The following NTRK3 variants were observed in gnomAD, a reference collection of about 807,000 sequenced individuals.
The protein encoded by NTRK3 is neurotrophic receptor tyrosine kinase 3.
Under a neutral mutation model 91.7 loss-of-function variants are expected in NTRK3, and 24 were observed. The ratio of observed to expected loss-of-function variants is 0.26; its 90% CI spans 0.19 to 0.37. NTRK3 has a LOEUF of 0.37. Among genes scored for constraint, NTRK3 ranks in the 10% least tolerant of loss-of-function variants. NTRK3 has a pLI of 1.00. For missense variants in NTRK3, 880 were observed against 1,068.9 expected (o/e 0.82, Z 2.46); for synonymous variants, 483 against 404.0 (o/e 1.20, Z -2.34).
chr15:88,180,647 G>A (rs2046372354), intron 5 of NTRK3, among the ~76,000 whole-genome samples: 1 of 134,424 alleles, frequency 7.4e-6, no homozygotes, highest in African/African-American at 2.8e-5. Context: ...ATTTTATACA[G>A]AGGAAAGAAG....
exon 19 of NTRK3, chr15:87,876,884 G>A (rs373023769): frequency 1.3e-6 from 2 of 1,593,288 alleles, no homozygotes; most frequent in Non-Finnish European, 1.7e-6. Context: ...GGAGATGTGA[G>A]GCAGGGAGAG....
intron 17 of NTRK3, among the ~76,000 whole-genome samples, chr15:87,892,844 T>C (rs2065918246): frequency 6.6e-6 from 1 of 152,140 alleles, no homozygotes; most frequent in Non-Finnish European, 1.5e-5. Flanking sequence ...AATGAAAATA[T>C]AAATTCAAGG....
chr15:87,975,982 A>G (rs2073681744), intron 14 of NTRK3, among the ~76,000 whole-genome samples: 1 of 152,046 alleles, frequency 6.6e-6, no homozygotes, highest in South Asian at 2.1e-4. Flanking sequence ...GGCCAATGCT[A>G]TCCCTTCCTC....
intron 14 of NTRK3, among the ~76,000 whole-genome samples, chr15:88,010,061 G>A (rs1408705359): frequency 1.3e-5 from 2 of 152,190 alleles, no homozygotes; most frequent in African/African-American, 4.8e-5. Flanking sequence ...AAAGCTCAGT[G>A]GCCATGTTGT....
intron 3 of NTRK3, among the ~76,000 whole-genome samples, chr15:88,190,725 G>A (rs111531174): frequency 0.016 from 2,425 of 152,170 alleles, 64 homozygotes; most frequent in African/African-American, 0.054. Context: ...CGCTAGCACC[G>A]GAAGCCAGAT....
chr15:87,893,984 T>TTAATGA (rs2141592398), intron 17 of NTRK3, among the ~76,000 whole-genome samples: 2 of 152,340 alleles, frequency 1.3e-5, no homozygotes, highest in Non-Finnish European at 2.9e-5. Context: ...GCAACATATG[T>TTAATGA]TAATGATAAA....
rs779493079 is a variant in NTRK3, at chr15:88,243,080, C to T, written c.248+12826G>A. 6.6e-6 allele frequency among the ~76,000 whole-genome samples: 1 copy of T among 152,190 alleles called. No individual in the cohort carries two copies. The highest frequency in any genetic ancestry group is 1.5e-5 in the Non-Finnish European group (1 of 68,040). Reference sequence around the variant, plus strand: ...TTCTTTCCACCCTCTTCCTTCAACACCAGGGACTTTGAGGAGCCCTGAGCT... The same window carrying T: ...TTCTTTCCACCCTCTTCCTTCAACATCAGGGACTTTGAGGAGCCCTGAGCT... On this transcript the variant is annotated intron_variant, in intron 3 of 18. Coordinates refer to ENST00000394480, the Ensembl canonical transcript of NTRK3. The surrounding 1 kb of genome is among the most constrained non-coding windows in gnomAD (Gnocchi z 4.8).
intron 13 of NTRK3, among the ~76,000 whole-genome samples, chr15:88,053,260 G>C (rs2045388680): frequency 6.6e-6 from 1 of 152,184 alleles, no homozygotes; most frequent in Non-Finnish European, 1.5e-5. Context: ...ATTTTATATA[G>C]GTCACAAGGG....
intron 5 of NTRK3, among the ~76,000 whole-genome samples, chr15:88,163,299 A>G (rs183950104): frequency 3.9e-5 from 6 of 152,332 alleles, no homozygotes; most frequent in Non-Finnish European, 7.3e-5. Context: ...GAGCTGATCT[A>G]TAATGAGCCC....
chr15:87,880,254 C>A lies in NTRK3; in HGVS notation c.2292+16G>T, dbSNP rs767405897. 3 of 1,613,990 alleles carry A rather than the reference C, an allele frequency of 1.9e-6. No individual in the cohort carries two copies. Among genetic ancestry groups the A allele is most frequent in the Admixed American group, 3.3e-5 (2 of 60,018 alleles). Reference sequence around the variant, plus strand: ...AGCCCTCCCCCAATCAAGATTCCTACGCACCCCCTTTTTACCTCCGTGTTT... The same window carrying A: ...AGCCCTCCCCCAATCAAGATTCCTAAGCACCCCCTTTTTACCTCCGTGTTT... On this transcript the variant is annotated intron_variant, in intron 18 of 18. Transcript: ENST00000394480.
At chr15:88,092,776 C>T (rs563617989) in intron 13 of NTRK3, among the ~76,000 whole-genome samples, 1 of 152,316 alleles carries the variant, frequency 6.6e-6, no homozygotes, top group Non-Finnish European at 1.5e-5. Context: ...TGGCTTGTGG[C>T]TACATCACTC....
Position 88,181,108 on chromosome 15 carries a change from G to A in NTRK3, c.395+2310C>T, listed in dbSNP as rs138695632. Among the ~76,000 whole-genome samples, 515 of 152,030 alleles carry A rather than the reference G, an allele frequency of 3.4e-3. 1 individual carries two copies. Among genetic ancestry groups the A allele is most frequent in the Middle Eastern group, 6.8e-3 (2 of 294 alleles). ...CTAATGCACAGACAGACTCAAATTG[G>A]GGGTAAACTAATGGTCATCCATCCT... On this transcript the variant is annotated intron_variant, in intron 5 of 18. Coordinates refer to ENST00000394480, the Ensembl canonical transcript of NTRK3.
chr15:88,108,757 G>T (rs2050989585), intron 13 of NTRK3, among the ~76,000 whole-genome samples: 1 of 152,308 alleles, frequency 6.6e-6, no homozygotes, highest in African/African-American at 2.4e-5. Flanking sequence ...CTATAGCTTT[G>T]CTAAGCCAAG....
chr15:88,084,978 A>G (rs566502376), intron 13 of NTRK3, among the ~76,000 whole-genome samples: 18 of 152,214 alleles, frequency 1.2e-4, no homozygotes. Context: ...CCTATATATC[A>G]GGGACTGATT....
intron 3 of NTRK3, among the ~76,000 whole-genome samples, chr15:88,212,759 C>CACACACAT (rs1444731394): frequency 1.7e-4 from 17 of 101,180 alleles, no homozygotes; most frequent in Admixed American, 4.1e-4. Flanking sequence ...CACACACACA[C>CACACACAT]ATCCCAGGCC....
At chr15:87,868,388 C>T (rs533643540) in exon 19 of NTRK3, 3 of 224,942 alleles carry the variant, frequency 1.3e-5, no homozygotes, top group South Asian at 3.7e-4. Flanking sequence ...CTGGAAACTT[C>T]CAATTCTCCT....
chr15:88,008,864 T>G (rs893541937), intron 14 of NTRK3, among the ~76,000 whole-genome samples: 2 of 152,180 alleles, frequency 1.3e-5, no homozygotes, highest in Non-Finnish European at 2.9e-5. Context: ...CCCTTCACTC[T>G]CCCTGCTGGA....
exon 2 of NTRK3, chr15:88,256,366 G>GCCGCCC: frequency 1.6e-6 from 1 of 636,172 alleles, no homozygotes; most frequent in Non-Finnish European, 2.8e-6. Flanking sequence ...CGCCGCCGCC[G>GCCGCCC]GGTGGGAGCC....
intron 13 of NTRK3, among the ~76,000 whole-genome samples, chr15:88,063,973 T>C (rs749022596): frequency 6.6e-6 from 1 of 152,096 alleles, no homozygotes; most frequent in Non-Finnish European, 1.5e-5. Context: ...TATCTGGAAA[T>C]AGAGTCTTTG....
Sources: allele counts gnomAD v4.1 joint callset (sites outside exome capture counted in the v4.1 genomes callset), GRCh38; gene constraint gnomAD v4.1.1; non-coding constraint Gnocchi (gnomAD v3.1); transcripts MANE v1.5; gene names NCBI Gene and HGNC (gene_info 2026-07-23, HGNC 2026-07-21).